The following TPST1 variants were observed in gnomAD, a reference collection of about 807,000 sequenced individuals.
TPST1 encodes the protein protein-tyrosine sulfotransferase 1.
Under a neutral mutation model 34.8 loss-of-function variants are expected in TPST1, and 20 were observed. The observed-to-expected ratio is 0.57, with a 90% CI of 0.40 to 0.84. The LOEUF is 0.84. Among genes scored for constraint, TPST1 ranks in the 40% least tolerant of loss-of-function variants. The pLI, the probability that TPST1 is intolerant of heterozygous loss-of-function variation, is 0.00. For synonymous variants in TPST1, 152 were observed against 159.4 expected (o/e 0.95, Z 0.35); for missense variants, 353 against 455.5 (o/e 0.78, Z 2.05).
intron 1 of TPST1, among the ~76,000 whole-genome samples, chr7:66,209,971 G>A (rs1789210252): frequency 6.6e-6 from 1 of 152,050 alleles, no homozygotes; most frequent in South Asian, 2.1e-4. Flanking sequence ...CCTGGCCCCA[G>A]GTGTATTTTC....
Position 66,293,251 on chromosome 7 carries a change from G to A in TPST1, c.1044+6542G>A, listed in dbSNP as rs143263609. 6.2e-3 allele frequency among the ~76,000 whole-genome samples: 939 copies of A among 151,940 alleles called. 26 individuals are homozygous for A. The highest frequency in any genetic ancestry group is 3.2e-3 in the Non-Finnish European group (218 of 67,976). ...TGGGCCCAGCATAGGGCTGACACCT[G>A]TAGTTTCAGCACTTTGGAAGGCCGA... On this transcript the variant is annotated intron_variant, in intron 3 of 5. Coordinates refer to ENST00000304842, the MANE Select transcript of TPST1 (RefSeq NM_003596.4).
intron 1 of TPST1, among the ~76,000 whole-genome samples, chr7:66,224,898 A>ATTTTTTTT (rs1385577766): frequency 4.3e-5 from 2 of 46,142 alleles, no homozygotes; most frequent in Non-Finnish European, 4.5e-5. Flanking sequence ...ACATTCTGGT[A>ATTTTTTTT]TTCTTTTTTT....
intron 3 of TPST1, among the ~76,000 whole-genome samples, chr7:66,299,125 C>CA (rs34928553): frequency 0.016 from 2,208 of 137,422 alleles, 57 homozygotes; most frequent in East Asian, 0.098. Context: ...GACACCGTCT[C>CA]AAAAAAAAAA....
chr7:66,292,856 T>C (rs1324041656), intron 3 of TPST1, among the ~76,000 whole-genome samples: 1 of 151,878 alleles, frequency 6.6e-6, no homozygotes, highest in Non-Finnish European at 1.5e-5. Context: ...CCGGAGCTGT[T>C]CCTATTCGGC....
chr7:66,226,460 A>C (rs936711301), intron 1 of TPST1, among the ~76,000 whole-genome samples: 3 of 152,202 alleles, frequency 2.0e-5, no homozygotes, highest in Non-Finnish European at 4.4e-5. Context: ...CCCTCTTAGG[A>C]CTGATTCTGC....
upstream of TPST1, among the ~76,000 whole-genome samples, chr7:66,204,084 T>C (rs528865480): frequency 1.6e-4 from 24 of 151,316 alleles, no homozygotes; most frequent in African/African-American, 4.9e-4. Context: ...GGCGGAGGCA[T>C]GAGAATCACT....
intron 3 of TPST1, among the ~76,000 whole-genome samples, chr7:66,339,571 A>T (rs961044122): frequency 1.3e-5 from 2 of 152,150 alleles, no homozygotes; most frequent in Admixed American, 6.5e-5. Flanking sequence ...ACAGGCCAAC[A>T]TCCCTGATGA....
At chr7:66,201,597 A>G (rs1168359832), upstream of TPST1, among the ~76,000 whole-genome samples, 1 of 152,004 alleles carries the variant, frequency 6.6e-6, no homozygotes, top group African/African-American at 2.4e-5. Flanking sequence ...AGGCTGATGC[A>G]GGAGAATTGC....
intron 3 of TPST1, among the ~76,000 whole-genome samples, chr7:66,315,319 A>G (rs1421134707): frequency 6.6e-6 from 1 of 152,262 alleles, no homozygotes; most frequent in Non-Finnish European, 1.5e-5. Context: ...ACTGGAATTC[A>G]TAGAGGAGGA....
intron 4 of TPST1, among the ~76,000 whole-genome samples, chr7:66,353,571 T>C (rs143085221): frequency 4.0e-3 from 604 of 152,114 alleles, no homozygotes; most frequent in African/African-American, 0.012. Flanking sequence ...AAACAGGGAG[T>C]CTCACGGCTG....
chr7:66,328,625 A>C (rs957637084), intron 3 of TPST1, among the ~76,000 whole-genome samples: 50 of 148,524 alleles, frequency 3.4e-4, no homozygotes, highest in Non-Finnish European at 6.9e-4. Flanking sequence ...GCTCACTGCA[A>C]CCTCTGCCTC....
At chr7:66,328,882 CTCTCTATATA>C (rs1206861286) in intron 3 of TPST1, among the ~76,000 whole-genome samples, 2 of 29,918 alleles carry the variant, frequency 6.7e-5, no homozygotes, top group African/African-American at 2.0e-4. Flanking sequence ...CTCTCTCTCT[CTCTCTATATA>C]TATATATATA....
At chr7:66,233,204 TTGA>T (rs1363172758) in intron 1 of TPST1, among the ~76,000 whole-genome samples, 2 of 152,234 alleles carry the variant, frequency 1.3e-5, no homozygotes, top group African/African-American at 4.8e-5. Flanking sequence ...ATTTTTAATT[TTGA>T]TGGAGTCCAG....
rs780352171 is a variant in TPST1 at position 66,352,575 on chromosome 7, C to T, written c.1095+20C>T. 1 of 1,611,744 alleles carries T rather than the reference C, an allele frequency of 6.2e-7. No individual in the cohort carries two copies. Among genetic ancestry groups the T allele is most frequent in the South Asian group, 1.1e-5 (1 of 90,688 alleles). ...CCACAGGTACTGTGTCTGCTTTTTC[C>T]TCCTGATGTATACTAGATTGGCTCT... On this transcript the variant is annotated intron_variant, in intron 4 of 5. Coordinates refer to ENST00000304842, the MANE Select transcript of TPST1 (RefSeq NM_003596.4).
At chr7:66,337,589 T>C (rs1184620135) in intron 3 of TPST1, among the ~76,000 whole-genome samples, 2 of 152,066 alleles carry the variant, frequency 1.3e-5, no homozygotes, top group African/African-American at 4.8e-5. Flanking sequence ...GATTACAGGC[T>C]TGAGCCACCA....
intron 2 of TPST1, among the ~76,000 whole-genome samples, chr7:66,268,845 C>T (rs377106914): frequency 2.6e-5 from 4 of 152,190 alleles, no homozygotes; most frequent in East Asian, 3.9e-4. Flanking sequence ...CGCGCCACCA[C>T]GCCTAGCTAA....
chr7:66,311,681 G>A (rs895061053), intron 3 of TPST1, among the ~76,000 whole-genome samples: 4 of 152,164 alleles, frequency 2.6e-5, no homozygotes, highest in African/African-American at 4.8e-5. Flanking sequence ...AGAAAATACA[G>A]GTAATTGGAT....
intron 3 of TPST1, among the ~76,000 whole-genome samples, chr7:66,334,268 G>A (rs1197051409): frequency 6.6e-6 from 1 of 152,112 alleles, no homozygotes; most frequent in African/African-American, 2.4e-5. Context: ...AAAGACACTA[G>A]GGGGAGAGTG....
intron 1 of TPST1, among the ~76,000 whole-genome samples, chr7:66,233,109 T>G (rs1789833609): frequency 6.6e-6 from 1 of 152,242 alleles, no homozygotes; most frequent in South Asian, 2.1e-4. Context: ...CACAAATCCC[T>G]TCTCAGGCAT....
Sources: allele counts gnomAD v4.1 joint callset (sites outside exome capture counted in the v4.1 genomes callset), GRCh38; gene constraint gnomAD v4.1.1; transcripts MANE v1.5; gene names NCBI Gene and HGNC (gene_info 2026-07-23, HGNC 2026-07-21).